The following PNKD variants were observed in gnomAD, a reference collection of about 807,000 sequenced individuals.
PNKD encodes the protein PNKD metallo-beta-lactamase domain containing.
Under a neutral mutation model 45.3 loss-of-function variants are expected in PNKD, and 36 were observed. That is an observed-to-expected ratio of 0.80 (90% confidence interval 0.61 to 1.05). The LOEUF (loss-of-function observed/expected upper bound fraction) is 1.05, where lower values mean the gene tolerates loss of function less well. PNKD is among the 50% of genes least tolerant of loss of function. The probability of loss-of-function intolerance (pLI) is 0.00; values close to 1 mark genes in which losing one functional copy is unlikely to be tolerated. For synonymous variants in PNKD, 197 were observed against 210.1 expected (o/e 0.94, Z 0.54); for missense variants, 511 against 506.6 (o/e 1.01, Z -0.08).
chr2:218,333,075 A>G (rs1454573177), intron 2 of PNKD, among the ~76,000 whole-genome samples: 2 of 152,146 alleles, frequency 1.3e-5, no homozygotes. Flanking sequence ...TGTCTACAGT[A>G]GGGCCTCTTC....
chr2:218,315,057 T>TCTTTCTTTCTTTTCTTTCTTC lies in PNKD; in HGVS notation c.237-24723_237-24722insTCTTTCTTTTCTTTCTTCCTT, dbSNP rs61429059. Among the ~76,000 whole-genome samples, 3 of 55,644 alleles carry TCTTTCTTTCTTTTCTTTCTTC rather than the reference T, an allele frequency of 5.4e-5. 1 individual carries two copies. The South Asian group carries it at 2.0e-3, about 36-fold the overall frequency. 36.5% of individuals were successfully genotyped at this position (55,644 alleles called of 152,430 possible). ...CTTTCTTTTTCTTTCTTTCTTTCTT[T>TCTTTCTTTCTTTTCTTTCTTC]CTTCCTTCCTTCCTTCCTTTCTTTC... On this transcript the variant is annotated intron_variant, in intron 2 of 9. Coordinates refer to ENST00000273077, the MANE Select transcript of PNKD (RefSeq NM_015488.5).
intron 2 of PNKD, among the ~76,000 whole-genome samples, chr2:218,301,491 GA>G (rs34514459): frequency 4.6e-5 from 7 of 152,152 alleles, no homozygotes; most frequent in African/African-American, 1.4e-4. Context: ...TGTTTGGCTA[GA>G]AAAAGGGAGC....
At chr2:218,315,422 G>C (rs928246946) in intron 2 of PNKD, among the ~76,000 whole-genome samples, 1 of 152,106 alleles carries the variant, frequency 6.6e-6, no homozygotes, top group Non-Finnish European at 1.5e-5. Flanking sequence ...CTCCCAAAGT[G>C]CTGGGATTCC....
At chr2:218,301,628 A>T (rs1237101260) in intron 2 of PNKD, among the ~76,000 whole-genome samples, 2 of 152,126 alleles carry the variant, frequency 1.3e-5, no homozygotes, top group Non-Finnish European at 2.9e-5. Flanking sequence ...TCTTTAAAAA[A>T]ATTAAAACAT....
chr2:218,318,455 A>G (rs1693878844), intron 2 of PNKD, among the ~76,000 whole-genome samples: 1 of 151,668 alleles, frequency 6.6e-6, no homozygotes, highest in Non-Finnish European at 1.5e-5. Flanking sequence ...GCTTGTTCTG[A>G]CTCCCTTCCA....
intron 2 of PNKD, among the ~76,000 whole-genome samples, chr2:218,305,145 G>T (rs183566030): frequency 3.2e-4 from 48 of 152,234 alleles, no homozygotes; most frequent in Admixed American, 1.6e-3. Flanking sequence ...AATCCCACGT[G>T]CAAGGGCTGT....
chr2:218,292,521 G>A (rs959323352), intron 2 of PNKD: 1 of 152,088 alleles, frequency 6.6e-6, no homozygotes, highest in Admixed American at 6.5e-5. Flanking sequence ...GTCCTCCGGG[G>A]CCGGGCAGGG....
intron 2 of PNKD, chr2:218,275,588 T>G: frequency 6.2e-7 from 1 of 1,613,764 alleles, no homozygotes; most frequent in Non-Finnish European, 8.5e-7. Flanking sequence ...TGCTTCCGGT[T>G]CCCCAGGACC....
At position 218,342,005 on chromosome 2, in the gene PNKD, C is replaced by T. The variant is rs1459700813; in HGVS notation, c.642C>T (p.Val214=). The part of the protein sequence containing the change: ...LTHPLCHQDV[V]SVGRLQIRAL... ...GTCCCCTGTGTCATCAAGATGTGGT[C>T]AGCGTGGGACGGCTTCAGATCCGGG... Residue 214 remains valine, a synonymous_variant, in exon 7 of 10, where the codon GTC becomes GTT. Transcript: ENST00000273077. The T allele has an allele frequency of 6.2e-7, 1 of 1,613,522 alleles. No individual in the cohort carries two copies.
At chr2:218,329,416 G>A (rs1332677188) in intron 2 of PNKD, among the ~76,000 whole-genome samples, 1 of 152,212 alleles carries the variant, frequency 6.6e-6, no homozygotes, top group Non-Finnish European at 1.5e-5. Context: ...AGCCCTTGGC[G>A]GGCAGGTGGC....
At chr2:218,290,454 A>G (rs1255772907) in intron 2 of PNKD, among the ~76,000 whole-genome samples, 2 of 152,168 alleles carry the variant, frequency 1.3e-5, no homozygotes, top group African/African-American at 4.8e-5. Context: ...GCTGCCCCTC[A>G]GAGCAGTCAC....
At chr2:218,278,550 G>A in intron 2 of PNKD, 47 of 1,614,190 alleles carry the variant, frequency 2.9e-5, no homozygotes, top group Non-Finnish European at 4.0e-5. Flanking sequence ...TCAGGTAGGT[G>A]ACAACGAAGA....
intron 2 of PNKD, among the ~76,000 whole-genome samples, chr2:218,298,891 C>T (rs1011850455): frequency 6.6e-6 from 1 of 152,136 alleles, no homozygotes. Context: ...CTCTACTCCC[C>T]AAGAAAAGCC....
At chr2:218,316,052 C>T (rs2106266801) in intron 2 of PNKD, among the ~76,000 whole-genome samples, 1 of 152,292 alleles carries the variant, frequency 6.6e-6, no homozygotes, top group East Asian at 1.9e-4. Context: ...CCAGCAACAT[C>T]AGTGGCGTGG....
chr2:218,334,647 C>G, intron 2 of PNKD: 3 of 699,982 alleles, frequency 4.3e-6, no homozygotes, highest in Non-Finnish European at 7.8e-6. Flanking sequence ...AGAGCAAGAC[C>G]CAAAAAAAGA....
rs780594684 is a variant in PNKD, at chr2:218,271,461, A to T, written c.148A>T (p.Lys50Ter). The change falls in exon 2 of 10, where the codon AAG becomes TAG. Residue 50 changes from lysine to a stop codon, truncating the protein, a stop_gained. Coordinates refer to ENST00000273077, the MANE Select transcript of PNKD (RefSeq NM_015488.5). LOFTEE classifies it high-confidence loss of function. ...GCAAAGCCACAGCTCCCCAGAGGGC[A>T]AGGAGGAACCTGAACCCCTATCCCC... ...ALQSHSSPEG[K>*]EEPEPLSPEL... 5 of 1,613,980 alleles carry T rather than the reference A, an allele frequency of 3.1e-6. No homozygotes were observed. In the South Asian group the frequency reaches 4.4e-5, roughly 14 times the overall value.
intron 2 of PNKD, chr2:218,334,707 C>T (rs1301062960): frequency 5.7e-6 from 4 of 702,652 alleles, no homozygotes; most frequent in Admixed American, 4.0e-5. Context: ...GATCTTATGC[C>T]CTCCTCAGTG....
At position 218,323,170 on chromosome 2, in the gene PNKD, G is replaced by T. The variant is rs866670599; in HGVS notation, c.237-16613G>T. The T allele has an allele frequency of 1.2e-4, 166 of 1,369,138 alleles. No homozygotes were observed. The Middle Eastern group carries it at 1.6e-3, about 13-fold the overall frequency. 84.8% of individuals were successfully genotyped at this position (1,369,138 alleles called of 1,614,324 possible). A position where few individuals can be genotyped will look rare whatever the true frequency, so the allele number is the denominator to read the frequency against. On this transcript the variant is annotated intron_variant, in intron 2 of 9. Transcript: ENST00000273077. ...CGGGGCGGGGCCACAACGCCCCCAC[G>T]TCCAGAGCCGGCAGGCAGGTTCCCC...
At chr2:218,287,155 A>G (rs1309411543) in intron 2 of PNKD, 1 of 152,204 alleles carries the variant, frequency 6.6e-6, no homozygotes, top group Non-Finnish European at 1.5e-5. Context: ...GGATGAAGCC[A>G]CAGGGATCTA....
Sources: gnomAD v4.1 joint callset for allele counts (sites outside exome capture counted in the v4.1 genomes callset) on GRCh38, gnomAD v4.1.1 for gene constraint, MANE v1.5 for transcripts, NCBI Gene and HGNC (gene_info 2026-07-23, HGNC 2026-07-21) for gene names.